The following LRGUK variants were observed in gnomAD, a reference collection of about 807,000 sequenced individuals.
LRGUK encodes leucine rich repeats and guanylate kinase domain containing.
In LRGUK, 65 loss-of-function variants were observed where a neutral mutation model predicts 76.0. The ratio of observed to expected loss-of-function variants is 0.85; its 90% CI spans 0.70 to 1.05. The LOEUF is 1.05. LRGUK is among the 50% of genes least tolerant of loss of function. The pLI, the probability that LRGUK is intolerant of heterozygous loss-of-function variation, is 0.00. For missense variants in LRGUK, 758 were observed against 732.8 expected, an observed-to-expected ratio of 1.03 and a Z score of -0.40; for synonymous variants, 268 against 265.6, an observed-to-expected ratio of 1.01 and a Z score of -0.09.
chr7:134,244,438 C>G (rs1234078427), intron 16 of LRGUK, among the ~76,000 whole-genome samples: 1 of 152,150 alleles, frequency 6.6e-6, no homozygotes, highest in African/African-American at 2.4e-5. Context: ...ATGCAGTCAA[C>G]AGACACATGA....
At chr7:134,208,994 G>C (rs1020227645) in exon 16 of LRGUK, 7 of 398,958 alleles carry the variant, frequency 1.8e-5, no homozygotes, top group Admixed American at 1.3e-4. Context: ...GCAGGCCCAG[G>C]ACCTATCCCT....
At chr7:134,133,430 A>C (rs1563133815) in intron 1 of LRGUK, among the ~76,000 whole-genome samples, 1 of 152,144 alleles carries the variant, frequency 6.6e-6, no homozygotes, top group Non-Finnish European at 1.5e-5. Context: ...GGCCCTGCTC[A>C]TAGTCAGCAG....
intron 4 of LRGUK, among the ~76,000 whole-genome samples, chr7:134,144,984 C>G (rs974641567): frequency 9.2e-5 from 14 of 152,092 alleles, no homozygotes; most frequent in African/African-American, 3.4e-4. Flanking sequence ...TGACCCCTAC[C>G]CCAGGAAAAA....
intron 18 of LRGUK, among the ~76,000 whole-genome samples, chr7:134,256,787 T>C (rs1802595529): frequency 6.6e-6 from 1 of 152,218 alleles, no homozygotes; most frequent in Non-Finnish European, 1.5e-5. Flanking sequence ...TTATAGCATT[T>C]GTGTTTTCCT....
Position 134,206,514 on chromosome 7 carries a change from A to AAAAT in LRGUK, c.1844-2179_1844-2176dup, listed in dbSNP as rs1266434422. Among the ~76,000 whole-genome samples, 23 of 151,138 alleles carry AAAAT rather than the reference A, an allele frequency of 1.5e-4. 1 individual carries two copies. Among genetic ancestry groups the AAAAT allele is most frequent in the African/African-American group, 4.9e-4 (20 of 41,208 alleles). On this transcript the variant is annotated intron_variant, in intron 15 of 15. Transcript: ENST00000645682. ...TGGTGACAGAGTGAGACTCCATCTCAAAATAAATAAATAAATACATATATA... is the reference window on the plus strand; with the variant it reads ...TGGTGACAGAGTGAGACTCCATCTCAAAATAAATAAATAAATAAATACATATATA...
At chr7:134,269,756 C>A in the LRGUK span, among the ~76,000 whole-genome samples, 1 of 151,920 alleles carries the variant, frequency 6.6e-6, no homozygotes, top group Non-Finnish European at 1.5e-5. Context: ...AAGATGTGTG[C>A]GCTGTGACCA....
At chr7:134,229,398 CTATCT>C (rs1801840281) in intron 16 of LRGUK, among the ~76,000 whole-genome samples, 1 of 151,460 alleles carries the variant, frequency 6.6e-6, no homozygotes, top group African/African-American at 2.4e-5. Flanking sequence ...ATCTATCTAT[CTATCT>C]ATCTATCTAT....
chr7:134,134,094 C>T (rs1470498656), intron 1 of LRGUK, among the ~76,000 whole-genome samples: 1 of 151,866 alleles, frequency 6.6e-6, no homozygotes, highest in Non-Finnish European at 1.5e-5. Context: ...AGAAATTGCC[C>T]ATAGGCTACC....
intron 12 of LRGUK, among the ~76,000 whole-genome samples, chr7:134,196,765 A>C (rs2117072120): frequency 6.6e-6 from 1 of 152,252 alleles, no homozygotes; most frequent in South Asian, 2.1e-4. Context: ...TTTGTCAGCA[A>C]ATTATTTCTA....
At chr7:134,191,884 GT>G (rs758192894) in intron 12 of LRGUK, 133 bp downstream of exon 12, 6,862 of 441,698 alleles carry the variant, frequency 0.016, 8 homozygotes, top group South Asian at 0.022. Flanking sequence ...TTTTTATGGG[GT>G]TTTTTTTTTT....
intron 12 of LRGUK, among the ~76,000 whole-genome samples, chr7:134,192,309 G>A (rs1331041955): frequency 6.6e-6 from 1 of 152,178 alleles, no homozygotes; most frequent in Non-Finnish European, 1.5e-5. Context: ...CAGTCCTGGA[G>A]GCCAAGCAGT....
intron 14 of LRGUK, among the ~76,000 whole-genome samples, chr7:134,200,212 T>C (rs1437583055): frequency 6.6e-6 from 1 of 151,064 alleles, no homozygotes; most frequent in Admixed American, 6.6e-5. Flanking sequence ...AATTTTTGCA[T>C]TTTTAGTAGA....
chr7:134,247,226 T>C (rs1802326202), intron 16 of LRGUK, among the ~76,000 whole-genome samples: 1 of 152,142 alleles, frequency 6.6e-6, no homozygotes. Context: ...AAAAAGACCA[T>C]AATAGTCTGT....
intron 1 of LRGUK, among the ~76,000 whole-genome samples, chr7:134,134,963 G>T (rs1797464531): frequency 6.6e-6 from 1 of 152,092 alleles, no homozygotes; most frequent in Admixed American, 6.5e-5. Context: ...GTGTTGGGAA[G>T]GAATGACTTT....
chr7:134,247,461 G>T (rs911200361), intron 16 of LRGUK, 95 bp from the exon 17 acceptor site: 79 of 753,688 alleles, frequency 1.0e-4, no homozygotes, highest in South Asian at 3.5e-4. Flanking sequence ...CCACATATTT[G>T]TCAATCTCTA....
At chr7:134,210,811 T>C (rs1286585072), downstream of LRGUK, among the ~76,000 whole-genome samples, 2 of 152,156 alleles carry the variant, frequency 1.3e-5, no homozygotes, top group African/African-American at 4.8e-5. Flanking sequence ...ATGCACTTGC[T>C]TCCAAGCAGC....
intron 18 of LRGUK, among the ~76,000 whole-genome samples, chr7:134,250,384 G>A (rs1343909815): frequency 2.6e-5 from 4 of 151,976 alleles, no homozygotes; most frequent in Non-Finnish European, 2.9e-5. Flanking sequence ...ATAAGATTAT[G>A]GCCAGTTTTT....
chr7:134,262,528 C>T (rs1463502166), intron 19 of LRGUK, among the ~76,000 whole-genome samples: 1 of 152,142 alleles, frequency 6.6e-6, no homozygotes, highest in Non-Finnish European at 1.5e-5. Context: ...GCAATTCCGG[C>T]ACCCTGAGAT....
chr7:134,165,244 T>C (rs59572112), intron 7 of LRGUK, among the ~76,000 whole-genome samples: 20,144 of 152,148 alleles, frequency 0.13, 1,701 homozygotes, highest in East Asian at 0.34. Context: ...ATGTAATCCT[T>C]ATTATAACCC....
Sources: gnomAD v4.1 joint callset for allele counts (sites outside exome capture counted in the v4.1 genomes callset) on GRCh38, gnomAD v4.1.1 for gene constraint, MANE v1.5 for transcripts, NCBI Gene and HGNC (gene_info 2026-07-23, HGNC 2026-07-21) for gene names.